The following HMGCLL1 variants were observed in gnomAD, a reference collection of about 807,000 sequenced individuals.
The protein encoded by HMGCLL1 is 3-hydroxymethyl-3-methylglutaryl-CoA lyase, cytoplasmic.
HMGCLL1 carries 36 observed loss-of-function variants against 39.1 expected under a neutral mutation model. That is an observed-to-expected ratio of 0.92 (90% confidence interval 0.71 to 1.22). The LOEUF (loss-of-function observed/expected upper bound fraction) is 1.22. Ranked by LOEUF, HMGCLL1 falls within the 50% of genes most tolerant of loss-of-function variation. The probability of loss-of-function intolerance (pLI) is 0.00; values close to 1 mark genes in which losing one functional copy is unlikely to be tolerated. For missense variants in HMGCLL1, 451 were observed against 416.5 expected, an observed-to-expected ratio of 1.08 and a Z score of -0.72; for synonymous variants, 149 against 144.0, an observed-to-expected ratio of 1.03 and a Z score of -0.25.
chr6:55,466,064 T>C (rs142964052), intron 7 of HMGCLL1, among the ~76,000 whole-genome samples: 13 of 152,218 alleles, frequency 8.5e-5, no homozygotes, highest in African/African-American at 3.1e-4. Context: ...TGTAAGATTC[T>C]AGACAACATG....
the HMGCLL1 span, among the ~76,000 whole-genome samples, chr6:55,592,739 T>G: frequency 2.0e-5 from 3 of 152,062 alleles, no homozygotes. Context: ...GCTGAGCATT[T>G]TTCAAGTGCA....
intron 7 of HMGCLL1, among the ~76,000 whole-genome samples, chr6:55,442,673 T>C (rs911213473): frequency 3.3e-5 from 5 of 152,194 alleles, no homozygotes; most frequent in Non-Finnish European, 5.9e-5. Context: ...CTCTCCAACA[T>C]GAGAAGGTCT....
the HMGCLL1 span, among the ~76,000 whole-genome samples, chr6:55,649,372 AG>A: frequency 6.8e-6 from 1 of 146,924 alleles, no homozygotes; most frequent in Non-Finnish European, 1.5e-5. Flanking sequence ...ATAGGGTAAA[AG>A]GTTTTTTTTT....
intron 7 of HMGCLL1, among the ~76,000 whole-genome samples, chr6:55,482,773 C>CT (rs1217800549): frequency 6.6e-6 from 1 of 152,048 alleles, no homozygotes. Context: ...CAAACCTCAA[C>CT]TTTTTTTACC....
chr6:55,456,895 G>A (rs142409817), intron 7 of HMGCLL1, among the ~76,000 whole-genome samples: 191 of 152,248 alleles, frequency 1.3e-3, no homozygotes, highest in South Asian at 0.011. Context: ...GGTGCAAATC[G>A]TAGGAAGCCA....
At chr6:55,446,492 A>G (rs1343267219) in intron 7 of HMGCLL1, among the ~76,000 whole-genome samples, 1 of 151,828 alleles carries the variant, frequency 6.6e-6, no homozygotes, top group Non-Finnish European at 1.5e-5. Flanking sequence ...AGCTCTCTGC[A>G]TATGTGCTTG....
At chr6:55,484,073 A>G (rs941431823) in intron 7 of HMGCLL1, among the ~76,000 whole-genome samples, 2 of 152,164 alleles carry the variant, frequency 1.3e-5, no homozygotes, top group Admixed American at 6.6e-5. Flanking sequence ...TAAATATTTT[A>G]TTGTAAGAAA....
chr6:55,517,515 C>A (rs958680052), intron 3 of HMGCLL1, among the ~76,000 whole-genome samples: 2 of 151,908 alleles, frequency 1.3e-5, no homozygotes, highest in African/African-American at 4.8e-5. Flanking sequence ...AAACTGGAAT[C>A]CTCAATATAG....
chr6:55,580,326 A>G (rs1405752563), upstream of HMGCLL1, among the ~76,000 whole-genome samples: 1 of 134,222 alleles, frequency 7.5e-6, no homozygotes, highest in African/African-American at 2.8e-5. Context: ...GTAAAACTGC[A>G]CTAGAAAGGG....
At chr6:55,535,211 C>T (rs929045871) in intron 3 of HMGCLL1, among the ~76,000 whole-genome samples, 1 of 152,102 alleles carries the variant, frequency 6.6e-6, no homozygotes. Context: ...AGAAATTCAA[C>T]GTGTTTATAT....
At chr6:55,549,328 A>T (rs1770180222) in intron 1 of HMGCLL1, among the ~76,000 whole-genome samples, 1 of 151,450 alleles carries the variant, frequency 6.6e-6, no homozygotes, top group South Asian at 2.1e-4. Flanking sequence ...CCCAAAATTT[A>T]TTTTGAAAAC....
At chr6:55,485,385 C>T (rs151114378) in intron 7 of HMGCLL1, among the ~76,000 whole-genome samples, 2,163 of 152,048 alleles carry the variant, frequency 0.014, 30 homozygotes, top group Non-Finnish European at 0.024. Context: ...CATGACAATG[C>T]TTTTTATCGT....
chr6:55,435,801 G>T, intron 8 of HMGCLL1, 38 bp from the exon 9 acceptor site: 3 of 1,066,432 alleles, frequency 2.8e-6, no homozygotes, highest in Non-Finnish European at 4.1e-6. Flanking sequence ...AAGGCAGAGG[G>T]ATTAGAGAGA....
chr6:55,477,386 TAA>T (rs1765482195), intron 7 of HMGCLL1, among the ~76,000 whole-genome samples: 1 of 31,610 alleles, frequency 3.2e-5, no homozygotes, highest in Non-Finnish European at 4.9e-5. Context: ...ATATATTATC[TAA>T]ATATAATATA....
At chr6:55,495,326 A>G (rs1399334314) in intron 7 of HMGCLL1, 93 bp downstream of exon 7, 3 of 987,056 alleles carry the variant, frequency 3.0e-6, no homozygotes, top group Non-Finnish European at 4.5e-6. Flanking sequence ...ACATTTTATG[A>G]AAATTGTAAC....
At chr6:55,449,359 G>T (rs907290359) in intron 7 of HMGCLL1, among the ~76,000 whole-genome samples, 2 of 152,134 alleles carry the variant, frequency 1.3e-5, no homozygotes, top group Non-Finnish European at 1.5e-5. Flanking sequence ...ATAGCCAAAC[G>T]CAGATGACAT....
At chr6:55,523,886 G>A (rs1482324484) in intron 3 of HMGCLL1, among the ~76,000 whole-genome samples, 2 of 151,828 alleles carry the variant, frequency 1.3e-5, no homozygotes, top group Admixed American at 6.6e-5. Flanking sequence ...TTTCATCCAT[G>A]TGAAATCAAA....
the HMGCLL1 span, among the ~76,000 whole-genome samples, chr6:55,637,692 G>A: frequency 1.4e-5 from 2 of 147,528 alleles, no homozygotes; most frequent in African/African-American, 5.1e-5. Context: ...ACATTCCCCT[G>A]GTCTTCCTTC....
intron 3 of HMGCLL1, among the ~76,000 whole-genome samples, chr6:55,539,501 T>C (rs146766553): frequency 2.1e-3 from 319 of 152,200 alleles, no homozygotes; most frequent in Non-Finnish European, 3.7e-3. Flanking sequence ...TGGAATACTA[T>C]ACAGCCATAA....
Sources: gnomAD v4.1 joint callset for allele counts (sites outside exome capture counted in the v4.1 genomes callset) on GRCh38, gnomAD v4.1.1 for gene constraint, MANE v1.5 for transcripts, NCBI Gene and HGNC (gene_info 2026-07-23, HGNC 2026-07-21) for gene names.